The following PIGB variants were observed in gnomAD, a reference collection of about 807,000 sequenced individuals.
PIGB encodes phosphatidylinositol glycan anchor biosynthesis class B, also known as GPI alpha-1,2-mannosyltransferase 3.
PIGB carries 58 observed loss-of-function variants against 68.4 expected under a neutral mutation model. The ratio of observed to expected loss-of-function variants is 0.85; its 90% confidence interval spans 0.69 to 1.06. The LOEUF is 1.06. Among genes scored for constraint, PIGB ranks in the 50% least tolerant of loss-of-function variants. PIGB has a pLI of 0.00. For missense variants in PIGB, 634 were observed against 655.8 expected (o/e 0.97, Z 0.36); for synonymous variants, 219 against 220.5 (o/e 0.99, Z 0.06).
intron 8 of PIGB, among the ~76,000 whole-genome samples, chr15:55,341,458 C>T (rs1361254331): frequency 1.3e-5 from 2 of 152,172 alleles, no homozygotes; most frequent in Admixed American, 6.5e-5. Flanking sequence ...CCAAATTTGA[C>T]TAATTTCACT....
rs2056025342 is a variant in PIGB, at chr15:55,354,540, T to C, written c.1338-258T>C. 8.0e-6 allele frequency: 3 copies of C among 373,974 alleles called. No individual in the cohort carries two copies. The East Asian group carries it at 1.5e-4, about 19-fold the overall frequency. The allele number at this position is 373,974 out of a possible 1,614,324, so 23.2% of individuals were successfully genotyped here. A position where few individuals can be genotyped will look rare whatever the true frequency, so the allele number is the denominator to read the frequency against. ...ATGTTGAGTCCCCCTACTGACCTAC[T>C]TCCCTCCTTGAAATGGACTTCTATG... On this transcript the variant is annotated intron_variant, in intron 10 of 11. Coordinates refer to ENST00000164305, the MANE Select transcript of PIGB (RefSeq NM_004855.5).
chr15:55,336,927 T>C (rs1287679523), intron 6 of PIGB, among the ~76,000 whole-genome samples: 5 of 152,164 alleles, frequency 3.3e-5, no homozygotes, highest in Non-Finnish European at 7.4e-5. Context: ...GAGGTAGACG[T>C]TGCAATGAAC....
At chr15:55,333,638 A>C (rs2055470720) in intron 5 of PIGB, among the ~76,000 whole-genome samples, 2 of 152,212 alleles carry the variant, frequency 1.3e-5, no homozygotes, top group African/African-American at 2.4e-5. Context: ...ATGCTGAGGC[A>C]GGAGAATCAC....
intron 9 of PIGB, among the ~76,000 whole-genome samples, chr15:55,345,767 A>T (rs1381568190): frequency 6.6e-6 from 1 of 152,144 alleles, no homozygotes; most frequent in Non-Finnish European, 1.5e-5. Flanking sequence ...CTAAAAAAAA[A>T]AAATTCTTCT....
chr15:55,354,650 T>C, intron 10 of PIGB, 148 bp from the exon 11 acceptor site: 1 of 613,620 alleles, frequency 1.6e-6, no homozygotes, highest in South Asian at 2.4e-5. Flanking sequence ...TTTGAGAAAA[T>C]GAGTTAAAGG....
chr15:55,334,377 A>G (rs2141186886), intron 6 of PIGB, among the ~76,000 whole-genome samples: 1 of 152,328 alleles, frequency 6.6e-6, no homozygotes, highest in South Asian at 2.1e-4. Flanking sequence ...TCTAGGCAAT[A>G]TATGTTTTTA....
intron 6 of PIGB, among the ~76,000 whole-genome samples, chr15:55,338,437 G>A (rs528396834): frequency 2.6e-5 from 4 of 152,154 alleles, no homozygotes; most frequent in East Asian, 3.9e-4. Flanking sequence ...CTTGAGGCCC[G>A]GAGTTTGAGA....
chr15:55,329,912 A>G (rs2055375749), intron 5 of PIGB, 58 bp downstream of exon 5: 1 of 1,287,364 alleles, frequency 7.8e-7, no homozygotes. Context: ...AAAATCTTAA[A>G]TATCAACATA....
At chr15:55,347,902 G>A (rs1358608754) in intron 9 of PIGB, among the ~76,000 whole-genome samples, 1 of 150,320 alleles carries the variant, frequency 6.7e-6, no homozygotes, top group Non-Finnish European at 1.5e-5. Context: ...TACCCAGAGT[G>A]CTATTTTCAC....
chr15:55,321,173 A>G, intron 2 of PIGB, 100 bp from the exon 3 acceptor site: 1 of 1,095,464 alleles, frequency 9.1e-7, no homozygotes, highest in Non-Finnish European at 1.2e-6. Context: ...CCCAAGTTTG[A>G]GACCAGCCTG....
At chr15:55,323,494 T>G (rs1321431645) in intron 3 of PIGB, among the ~76,000 whole-genome samples, 1 of 152,200 alleles carries the variant, frequency 6.6e-6, no homozygotes, top group African/African-American at 2.4e-5. Flanking sequence ...GGCTTAGAGC[T>G]GCACTGTCCA....
chr15:55,349,779 C>A (rs1407056324), intron 9 of PIGB: 1 of 152,054 alleles, frequency 6.6e-6, no homozygotes, highest in South Asian at 2.1e-4. Context: ...ATGAAGAATA[C>A]CCAAGTTCAA....
chr15:55,323,900 T>C (rs1423489267), intron 3 of PIGB, among the ~76,000 whole-genome samples: 1 of 152,186 alleles, frequency 6.6e-6, no homozygotes, highest in Non-Finnish European at 1.5e-5. Context: ...GGGTTTTGTT[T>C]CTTTTGAAAT....
At chr15:55,345,758 T>TAA (rs531241455) in intron 9 of PIGB, among the ~76,000 whole-genome samples, 7 of 147,230 alleles carry the variant, frequency 4.8e-5, no homozygotes, top group African/African-American at 1.7e-4. Flanking sequence ...AGATTCTGTC[T>TAA]AAAAAAAAAA....
intron 3 of PIGB, among the ~76,000 whole-genome samples, chr15:55,324,086 C>T (rs908311432): frequency 3.3e-5 from 5 of 152,162 alleles, no homozygotes; most frequent in African/African-American, 4.8e-5. Context: ...CGGGGTTTCA[C>T]CGTGGCCAGG....
chr15:55,341,735 C>G lies in PIGB; in HGVS notation c.1059-3C>G. On this transcript the variant is annotated splice_polypyrimidine_tract_variant and splice_region_variant and intron_variant, in intron 8 of 11. Coordinates refer to ENST00000164305, the MANE Select transcript of PIGB (RefSeq NM_004855.5). ...TTTTTAATAATATTTGTTTTTATTA[C>G]AGCATGTTGAGCCACAAAGAATTCA... 7.4e-7 allele frequency: 1 copy of G among 1,354,886 alleles called. No individual in the cohort carries two copies. The highest frequency in any genetic ancestry group is 2.4e-5 in the Admixed American group (1 of 41,824). 83.9% of individuals were successfully genotyped at this position (1,354,886 alleles called of 1,614,324 possible). A position where few individuals can be genotyped will look rare whatever the true frequency, so the allele number is the denominator to read the frequency against.
At chr15:55,344,595 A>G (rs188973839) in intron 9 of PIGB, among the ~76,000 whole-genome samples, 11 of 152,350 alleles carry the variant, frequency 7.2e-5, no homozygotes, top group Non-Finnish European at 1.5e-4. Context: ...TCTCTTGCCT[A>G]ATTTGAATTT....
intron 4 of PIGB, among the ~76,000 whole-genome samples, 196 bp from the exon 5 acceptor site, chr15:55,329,528 G>C (rs1334750456): frequency 1.3e-5 from 2 of 152,166 alleles, no homozygotes; most frequent in African/African-American, 4.8e-5. Context: ...AACAAATATA[G>C]ATCTGCTATT....
intron 9 of PIGB, among the ~76,000 whole-genome samples, chr15:55,348,921 T>C (rs943356663): frequency 6.6e-6 from 1 of 152,206 alleles, no homozygotes; most frequent in South Asian, 2.1e-4. Context: ...ATTGGGGTTA[T>C]TACAGATGGT....
Sources: gnomAD v4.1 joint callset for allele counts (sites outside exome capture counted in the v4.1 genomes callset) on GRCh38, gnomAD v4.1.1 for gene constraint, MANE v1.5 for transcripts, NCBI Gene and HGNC (gene_info 2026-07-23, HGNC 2026-07-21) for gene names.